The following COLGALT1 variants were observed in gnomAD, a reference collection of about 807,000 sequenced individuals.
The protein encoded by COLGALT1 is procollagen galactosyltransferase 1.
In COLGALT1, 43 loss-of-function variants were observed where a neutral mutation model predicts 60.8. That is an observed-to-expected ratio of 0.71 (90% confidence interval 0.55 to 0.91). The LOEUF (loss-of-function observed/expected upper bound fraction) is 0.91, where lower values mean the gene tolerates loss of function less well. COLGALT1 is among the 40% of genes least tolerant of loss of function. COLGALT1 has a pLI of 0.00. For missense variants in COLGALT1, 845 were observed against 880.0 expected (o/e 0.96, Z 0.50); for synonymous variants, 369 against 374.2 (o/e 0.99, Z 0.16).
chr19:17,555,881 C>T lies in COLGALT1; in HGVS notation c.168C>T (p.Ile56=), dbSNP rs998480369. The T allele has an allele frequency of 1.9e-5, 27 of 1,387,808 alleles. No individual in the cohort carries two copies. Among genetic ancestry groups the T allele is most frequent in the Middle Eastern group, 5.2e-4 (2 of 3,866 alleles). 86.0% of individuals were successfully genotyped at this position (1,387,808 alleles called of 1,614,324 possible). A position where few individuals can be genotyped will look rare whatever the true frequency, so the allele number is the denominator to read the frequency against. The part of the protein sequence containing the change: ...ESPLQAPRVL[I]ALLARNAAHA... ...CCCTGCAGGCGCCGCGCGTGCTCAT[C>T]GCGCTGTTGGCGCGAAACGCGGCCC... Residue 56 remains isoleucine, a synonymous_variant, in exon 1 of 12, where the codon ATC becomes ATT. Transcript: ENST00000252599.
At chr19:17,563,305 T>G (rs2076260258) in intron 3 of COLGALT1, among the ~76,000 whole-genome samples, 1 of 148,412 alleles carries the variant, frequency 6.7e-6, no homozygotes, top group African/African-American at 2.5e-5. Flanking sequence ...ACTCTCCTGC[T>G]TCGGCCTCCC....
At chr19:17,574,861 G>A (rs1005664519) in intron 6 of COLGALT1, among the ~76,000 whole-genome samples, 1 of 151,652 alleles carries the variant, frequency 6.6e-6, no homozygotes, top group African/African-American at 2.4e-5. Flanking sequence ...TATTTGTGTT[G>A]TCATTTCCTT....
Position 17,555,846 on chromosome 19 carries a change from C to G in COLGALT1, c.133C>G (p.Pro45Ala). 7.4e-7 allele frequency: 1 copy of G among 1,355,374 alleles called. No individual in the cohort carries two copies. The highest frequency in any genetic ancestry group is 3.1e-5 in the East Asian group (1 of 32,088). The allele number at this position is 1,355,374 out of a possible 1,614,324, so 84.0% of individuals were successfully genotyped here. ...DAYFPEERWS[P>A]ESPLQAPRVL... is the part of the protein sequence containing the mutation. ...CTACTTCCCCGAGGAGCGCTGGAGC[C>G]CGGAGTCGCCCCTGCAGGCGCCGCG... The change falls in exon 1 of 12, where the codon CCG becomes GCG. Residue 45 changes from proline (P) to alanine (A), a missense_variant. Pro to Ala is a conservative substitution (Grantham distance 27). Coordinates refer to ENST00000252599, the MANE Select transcript of COLGALT1 (RefSeq NM_024656.4).
intron 3 of COLGALT1, among the ~76,000 whole-genome samples, chr19:17,561,107 A>C (rs1022401308): frequency 1.3e-5 from 2 of 151,030 alleles, no homozygotes; most frequent in Non-Finnish European, 2.9e-5. Flanking sequence ...TGGGAGGCTG[A>C]GGCAGGAGGA....
intron 3 of COLGALT1, among the ~76,000 whole-genome samples, chr19:17,562,782 C>T (rs1357271756): frequency 1.3e-5 from 2 of 152,040 alleles, no homozygotes; most frequent in Admixed American, 1.3e-4. Flanking sequence ...GTTCAGGATG[C>T]GTCACGAGGT....
rs1371582137 is a variant in COLGALT1, at chr19:17,582,763, TC to T, written c.*1321del. ...ACCACCCAAGAGGGAGGGTAGCTCT[TC>T]CGCCACCAGGGGCAAGCACAGGTCC... is the stretch of plus-strand genomic sequence containing the variant. On this transcript the variant is annotated 3_prime_UTR_variant, in exon 12 of 12. Coordinates refer to ENST00000252599, the MANE Select transcript of COLGALT1 (RefSeq NM_024656.4). 3.3e-5 allele frequency: 5 copies of T among 152,342 alleles called. No homozygotes were observed. The highest frequency in any genetic ancestry group is 1.2e-4 in the African/African-American group (5 of 41,574). 9.4% of individuals were successfully genotyped at this position (152,342 alleles called of 1,614,324 possible). A position where few individuals can be genotyped will look rare whatever the true frequency, so the allele number is the denominator to read the frequency against.
At chr19:17,580,940 C>T (rs1008892446) in intron 11 of COLGALT1, 35 bp downstream of exon 11, 1 of 1,609,798 alleles carries the variant, frequency 6.2e-7, no homozygotes, top group Non-Finnish European at 8.5e-7. Flanking sequence ...GCTGGGGTTT[C>T]ACGGTGGGTC....
intron 5 of COLGALT1, among the ~76,000 whole-genome samples, chr19:17,570,673 C>G (rs570765691): frequency 1.3e-5 from 2 of 152,120 alleles, no homozygotes; most frequent in African/African-American, 4.8e-5. Context: ...TCAATTGATT[C>G]TCCTGCCTTA....
chr19:17,572,418 G>A (rs1281736718), intron 5 of COLGALT1, 65 bp from the exon 6 acceptor site: 2 of 1,608,342 alleles, frequency 1.2e-6, no homozygotes, highest in South Asian at 1.1e-5. Context: ...CCGTGGGATG[G>A]AAGGCATGAG....
chr19:17,582,372 GA>G lies in COLGALT1; in HGVS notation c.*930del, dbSNP rs1267470335. 1 of 152,234 alleles carries G rather than the reference GA, an allele frequency of 6.6e-6. No individual in the cohort carries two copies. Among genetic ancestry groups the G allele is most frequent in the African/African-American group, 2.4e-5 (1 of 41,452 alleles). The allele number at this position is 152,234 out of a possible 1,614,324, so 9.4% of individuals were successfully genotyped here. A position where few individuals can be genotyped will look rare whatever the true frequency, so the allele number is the denominator to read the frequency against. On this transcript the variant is annotated 3_prime_UTR_variant, in exon 12 of 12. Coordinates refer to ENST00000252599, the MANE Select transcript of COLGALT1 (RefSeq NM_024656.4). ...TGCAGGGAGCTGAGCTATGGGATGG[GA>G]ATGGGAGTAAACAAGGTACTTTTTA...
chr19:17,567,664 C>A, intron 4 of COLGALT1, 124 bp downstream of exon 4: 1 of 1,090,684 alleles, frequency 9.2e-7, no homozygotes, highest in Non-Finnish European at 1.3e-6. Flanking sequence ...GGAAGCTGGG[C>A]ACGGTGGCTC....
At chr19:17,579,997 G>A (rs2144849873) in intron 10 of COLGALT1, 2 of 211,372 alleles carry the variant, frequency 9.5e-6, no homozygotes, top group Middle Eastern at 4.2e-3. Flanking sequence ...GAACTCAAGG[G>A]ACCTGGCCGG....
At chr19:17,575,353 C>T (rs896725319) in intron 6 of COLGALT1, among the ~76,000 whole-genome samples, 4 of 152,154 alleles carry the variant, frequency 2.6e-5, no homozygotes, top group Non-Finnish European at 5.9e-5. Context: ...TCACGCCATT[C>T]TCCTGCCTCA....
intron 6 of COLGALT1, among the ~76,000 whole-genome samples, chr19:17,576,665 G>A (rs1417601780): frequency 6.7e-6 from 1 of 149,754 alleles, no homozygotes; most frequent in African/African-American, 2.5e-5. Context: ...GCATGGCCAG[G>A]GTTTAAAGGT....
At position 17,574,795 on chromosome 19, in the gene COLGALT1, G is replaced by A. The variant is rs980981196; in HGVS notation, c.949+2193G>A. 2.0e-5 allele frequency among the ~76,000 whole-genome samples: 3 copies of A among 152,134 alleles called. No individual in the cohort carries two copies. The East Asian group carries it at 5.8e-4, about 29-fold the overall frequency. ...TTATCACCAACTCCCATCAGAAACG[G>A]GCCTGAGAAGCGTCTCTGTGGCTAC... On this transcript the variant is annotated intron_variant, in intron 6 of 11. Transcript: ENST00000252599.
At chr19:17,576,936 GT>G in intron 6 of COLGALT1, 2 of 565,814 alleles carry the variant, frequency 3.5e-6, no homozygotes, top group Non-Finnish European at 6.3e-6. Context: ...GGGGCCTGGG[GT>G]GTGGCCAGGG....
chr19:17,569,939 G>GGCTGGAGT (rs2076302601), intron 5 of COLGALT1, among the ~76,000 whole-genome samples: 6 of 123,904 alleles, frequency 4.8e-5, no homozygotes, highest in African/African-American at 1.9e-4. Flanking sequence ...CTGTCGCCCA[G>GGCTGGAGT]GCTGGAGTGC....
Position 17,555,830 on chromosome 19 carries a change from C to G in COLGALT1, c.117C>G (p.Pro39=), listed in dbSNP as rs760759942. The change falls in exon 1 of 12, where the codon CCC becomes CCG. Residue 39 remains proline, a synonymous_variant. Transcript: ENST00000252599. ...GAPPGADAYF[P]EERWSPESPL... ...CGCCGGGCGCCGACGCCTACTTCCCCGAGGAGCGCTGGAGCCCGGAGTCGC... is the reference window on the plus strand; with the variant it reads ...CGCCGGGCGCCGACGCCTACTTCCCGGAGGAGCGCTGGAGCCCGGAGTCGC... 4.6e-6 allele frequency: 6 copies of G among 1,311,926 alleles called. No homozygotes were observed. In the South Asian group the frequency reaches 6.1e-5, roughly 13 times the overall value. The allele number at this position is 1,311,926 out of a possible 1,614,324, so 81.3% of individuals were successfully genotyped here. A position where few individuals can be genotyped will look rare whatever the true frequency, so the allele number is the denominator to read the frequency against.
At chr19:17,571,395 G>A (rs1006714270) in intron 5 of COLGALT1, among the ~76,000 whole-genome samples, 2 of 151,818 alleles carry the variant, frequency 1.3e-5, no homozygotes, top group Non-Finnish European at 1.5e-5. Context: ...GCGACAGAGC[G>A]AGACTCTGTC....
Sources: gnomAD v4.1 joint callset for allele counts (sites outside exome capture counted in the v4.1 genomes callset) on GRCh38, gnomAD v4.1.1 for gene constraint, MANE v1.5 for transcripts, NCBI Gene and HGNC (gene_info 2026-07-23, HGNC 2026-07-21) for gene names.